The following CDH12 variants were observed in gnomAD, a reference collection of about 807,000 sequenced individuals.
The protein encoded by CDH12 is cadherin-12.
Under a neutral mutation model 74.1 loss-of-function variants are expected in CDH12, and 41 were observed. The ratio of observed to expected loss-of-function variants is 0.55; its 90% CI spans 0.43 to 0.72. The LOEUF (loss-of-function observed/expected upper bound fraction) is 0.72. Ranked by LOEUF, CDH12 falls within the 30% of genes least tolerant of loss-of-function variation. CDH12 has a pLI of 0.00. For synonymous variants in CDH12, 399 were observed against 355.0 expected (o/e 1.12, Z -1.39); for missense variants, 945 against 977.2 (o/e 0.97, Z 0.44).
chr5:21,812,506 A>G (rs953367841), intron 9 of CDH12, among the ~76,000 whole-genome samples: 5 of 152,126 alleles, frequency 3.3e-5, no homozygotes, highest in African/African-American at 1.2e-4. Flanking sequence ...GTTTTCTGAG[A>G]ACTTATTGAA....
At chr5:21,948,978 T>G (rs2150098272) in intron 6 of CDH12, among the ~76,000 whole-genome samples, 1 of 151,988 alleles carries the variant, frequency 6.6e-6, no homozygotes, top group African/African-American at 2.4e-5. Flanking sequence ...TCACCATGAC[T>G]GTAAGTTCCA....
Position 21,807,231 on chromosome 5 carries a change from C to G in CDH12, c.1003-4811G>C, listed in dbSNP as rs911391755. ...GCATGGGGGGGACTGTATTTTACAC[C>G]CTTATGATGACATCCCCAACGAATC... On this transcript the variant is annotated intron_variant, in intron 9 of 14. Coordinates refer to ENST00000382254, the MANE Select transcript of CDH12 (RefSeq NM_004061.5). 2.6e-5 allele frequency among the ~76,000 whole-genome samples: 4 copies of G among 152,022 alleles called. No homozygotes were observed. In the East Asian group the frequency reaches 7.7e-4, roughly 29 times the overall value.
chr5:22,508,854 A>T, intron 1 of CDH12, among the ~76,000 whole-genome samples: 1 of 152,138 alleles, frequency 6.6e-6, no homozygotes, highest in East Asian at 1.9e-4. Context: ...AATGTATAAA[A>T]CCAAGCTGTA....
chr5:22,295,126 T>C (rs1737566900), intron 3 of CDH12, among the ~76,000 whole-genome samples: 8 of 152,182 alleles, frequency 5.3e-5, no homozygotes, highest in Admixed American at 5.2e-4. Flanking sequence ...TCAGCAAAGT[T>C]GACGTCACTG....
intron 2 of CDH12, among the ~76,000 whole-genome samples, chr5:22,437,330 A>G (rs569915340): frequency 6.5e-4 from 99 of 152,008 alleles, no homozygotes; most frequent in African/African-American, 2.3e-3. Flanking sequence ...AAAAACAAAT[A>G]GCAAGAATCT....
intron 3 of CDH12, among the ~76,000 whole-genome samples, chr5:22,228,148 G>T (rs897071816): frequency 2.0e-5 from 3 of 151,742 alleles, no homozygotes; most frequent in Non-Finnish European, 2.9e-5. Flanking sequence ...TTTCAGTAAG[G>T]CATTCAAGAT....
At chr5:22,456,107 T>TTATATATATATATATATATA (rs36020133) in intron 2 of CDH12, among the ~76,000 whole-genome samples, 6 of 147,886 alleles carry the variant, frequency 4.1e-5, no homozygotes, top group African/African-American at 1.5e-4. Context: ...CATGTGGATA[T>TTATATATATATATATATATA]TATATATATA....
At chr5:22,220,989 A>AAT (rs1554021930) in intron 3 of CDH12, among the ~76,000 whole-genome samples, 1 of 147,412 alleles carries the variant, frequency 6.8e-6, no homozygotes, top group African/African-American at 2.5e-5. Context: ...ACCTTCATCA[A>AAT]ATACACACAC....
chr5:22,570,033 C>A lies in CDH12; in HGVS notation c.-522-64669G>T, dbSNP rs111831272. 6.8e-3 allele frequency among the ~76,000 whole-genome samples: 1,005 copies of A among 147,774 alleles called. 10 individuals are homozygous for A. Among genetic ancestry groups the A allele is most frequent in the African/African-American group, 0.023 (924 of 39,556 alleles). On this transcript the variant is annotated intron_variant, in intron 1 of 14. Transcript: ENST00000382254. The stretch of plus-strand genomic sequence containing the variant: ...AGGTATAATCTTATGAAATGTATTT[C>A]GTTTTATTTATTTATTTATTTATTT...
At chr5:22,633,522 T>A (rs984046135) in intron 1 of CDH12, among the ~76,000 whole-genome samples, 1 of 152,198 alleles carries the variant, frequency 6.6e-6, no homozygotes, top group South Asian at 2.1e-4. Context: ...TAGAGGACAC[T>A]AACATTTGAA....
chr5:22,734,998 A>G (rs370895299), intron 1 of CDH12, among the ~76,000 whole-genome samples: 1 of 151,956 alleles, frequency 6.6e-6, no homozygotes, highest in Admixed American at 6.6e-5. Context: ...ATCTATGCTC[A>G]GTTTAAGGAT....
intron 1 of CDH12, among the ~76,000 whole-genome samples, chr5:22,728,793 T>G (rs894479205): frequency 2.6e-5 from 4 of 151,774 alleles, no homozygotes; most frequent in African/African-American, 9.7e-5. Flanking sequence ...TCTCTCATAT[T>G]TCATCTCATA....
At chr5:22,755,984 C>A (rs555410819) in intron 1 of CDH12, among the ~76,000 whole-genome samples, 13 of 150,246 alleles carry the variant, frequency 8.7e-5, no homozygotes, top group Non-Finnish European at 1.5e-5. Context: ...CTGGACTGTT[C>A]TACTAAACCA....
intron 3 of CDH12, among the ~76,000 whole-genome samples, chr5:22,282,627 A>C (rs1324981457): frequency 6.6e-6 from 1 of 152,224 alleles, no homozygotes; most frequent in African/African-American, 2.4e-5. Flanking sequence ...GAGGCCAACA[A>C]ACATATGAAA....
chr5:21,976,723 T>C (rs1157606263), intron 5 of CDH12, among the ~76,000 whole-genome samples: 1 of 151,982 alleles, frequency 6.6e-6, no homozygotes, highest in Non-Finnish European at 1.5e-5. Flanking sequence ...AAATAAACTT[T>C]TGCAGCATTT....
At chr5:21,946,251 T>C (rs1236552547) in intron 6 of CDH12, among the ~76,000 whole-genome samples, 1 of 152,180 alleles carries the variant, frequency 6.6e-6, no homozygotes, top group Non-Finnish European at 1.5e-5. Context: ...CAAACTTACC[T>C]TTAAAGAATA....
chr5:22,819,110 A>G (rs1749539134), intron 1 of CDH12, among the ~76,000 whole-genome samples: 1 of 152,174 alleles, frequency 6.6e-6, no homozygotes, highest in African/African-American at 2.4e-5. Context: ...TTAAAGAACC[A>G]AAGGCCAATA....
intron 4 of CDH12, among the ~76,000 whole-genome samples, chr5:22,149,354 C>A (rs1199862308): frequency 1.3e-5 from 2 of 152,166 alleles, no homozygotes; most frequent in Admixed American, 6.6e-5. Context: ...AAACTACATC[C>A]TACTGCTTTA....
chr5:21,822,215 CT>C (rs200797300), intron 8 of CDH12, among the ~76,000 whole-genome samples: 7 of 33,026 alleles, frequency 2.1e-4, no homozygotes, highest in Non-Finnish European at 4.0e-4. Context: ...TACTAGTTAA[CT>C]TTTATAATAT....
Sources: allele counts gnomAD v4.1 joint callset (sites outside exome capture counted in the v4.1 genomes callset), GRCh38; gene constraint gnomAD v4.1.1; transcripts MANE v1.5; gene names NCBI Gene and HGNC (gene_info 2026-07-23, HGNC 2026-07-21).